Variants in FRMD4A observed in about 807,000 individuals in gnomAD.
The protein encoded by FRMD4A is FERM domain containing 4A, also known as FERM domain-containing protein 4A.
In FRMD4A, 29 loss-of-function variants were observed where a neutral mutation model predicts 129.1. That is an observed-to-expected ratio of 0.22 (90% CI 0.17 to 0.31). The LOEUF (loss-of-function observed/expected upper bound fraction) is 0.31. Among genes scored for constraint, FRMD4A ranks in the 10% least tolerant of loss-of-function variants. The pLI is 1.00. For synonymous variants in FRMD4A, 634 were observed against 571.6 expected (o/e 1.11, Z -1.56); for missense variants, 1,272 against 1,375.8 (o/e 0.92, Z 1.19).
At chr10:13,648,563 A>G (rs1364225796) in intron 24 of FRMD4A, 8 of 152,088 alleles carry the variant, frequency 5.3e-5, no homozygotes, top group Non-Finnish European at 8.8e-5. Context: ...CCCTGGTTCA[A>G]AGGTGGCCAC....
At chr10:13,849,482 AT>A (rs143466300) in intron 3 of FRMD4A, among the ~76,000 whole-genome samples, 2,723 of 141,734 alleles carry the variant, frequency 0.019, 35 homozygotes, top group African/African-American at 0.035. Flanking sequence ...AATCTCCTGC[AT>A]TTTTTTTTTT....
At chr10:13,972,384 G>A in intron 2 of FRMD4A, 4 of 919,272 alleles carry the variant, frequency 4.4e-6, no homozygotes, top group Non-Finnish European at 5.2e-6. Context: ...ATTTCTGTGG[G>A]CAATTTGTAA....
chr10:13,846,249 A>G (rs2094043859), intron 3 of FRMD4A, among the ~76,000 whole-genome samples: 1 of 152,226 alleles, frequency 6.6e-6, no homozygotes, highest in Non-Finnish European at 1.5e-5. Context: ...TGCCAAAGTA[A>G]TTGTGGTTTT....
chr10:13,982,161 T>G (rs528338939), intron 2 of FRMD4A, among the ~76,000 whole-genome samples: 57 of 152,092 alleles, frequency 3.7e-4, no homozygotes, highest in African/African-American at 1.3e-3. Flanking sequence ...ATTTCCCCTT[T>G]TACATCTTTC....
intron 2 of FRMD4A, among the ~76,000 whole-genome samples, chr10:14,254,846 A>C (rs1844556502): frequency 6.6e-6 from 1 of 152,144 alleles, no homozygotes; most frequent in African/African-American, 2.4e-5. Flanking sequence ...ATAAGGTAGT[A>C]ATGCAGGAAG....
At chr10:13,958,279 TTG>T (rs1491400756) in intron 2 of FRMD4A, among the ~76,000 whole-genome samples, 15 of 113,006 alleles carry the variant, frequency 1.3e-4, no homozygotes, top group Admixed American at 2.1e-4. Flanking sequence ...GCCATGACCA[TTG>T]TTTTTTTTTT....
rs574373521 is a variant in FRMD4A at position 13,969,125 on chromosome 10, T to C, written c.46-110213A>G. On this transcript the variant is annotated intron_variant, in intron 2 of 24. Coordinates refer to ENST00000357447, the MANE Select transcript of FRMD4A (RefSeq NM_018027.5). ...CCTGGTCTTGCTCTGGGCCGCCTCTTCTTCTCCCAGGCCCCTCGGCCTGGC... is the reference window on the plus strand; with the variant it reads ...CCTGGTCTTGCTCTGGGCCGCCTCTCCTTCTCCCAGGCCCCTCGGCCTGGC... Among the ~76,000 whole-genome samples, 3 of 152,352 alleles carry C rather than the reference T, an allele frequency of 2.0e-5. No homozygotes were observed. The East Asian group carries it at 5.8e-4, about 29-fold the overall frequency.
chr10:13,713,995 T>TATACATATATAAA (rs768387822), intron 12 of FRMD4A, among the ~76,000 whole-genome samples: 65,753 of 71,198 alleles, frequency 0.92, 30,991 homozygotes, highest in Middle Eastern at 0.97. Flanking sequence ...ACATATATAA[T>TATACATATATAAA]ATACATATAT....
intron 2 of FRMD4A, among the ~76,000 whole-genome samples, chr10:13,946,682 C>T (rs2095334223): frequency 6.6e-6 from 1 of 152,136 alleles, no homozygotes; most frequent in Admixed American, 6.5e-5. Flanking sequence ...CTTCTCCTTG[C>T]CAAGTGATTG....
intron 2 of FRMD4A, among the ~76,000 whole-genome samples, chr10:14,259,365 AATTAT>A: frequency 6.6e-6 from 1 of 152,320 alleles, no homozygotes; most frequent in African/African-American, 2.4e-5. Flanking sequence ...AATCTTTAAT[AATTAT>A]ATTACTGAAA....
rs189704653 is a variant in FRMD4A at position 13,781,871 on chromosome 10, T to C, written c.384+1051A>G. Among the ~76,000 whole-genome samples the C allele has an allele frequency of 5.3e-5, 8 of 152,226 alleles. No individual in the cohort carries two copies. In the East Asian group the frequency reaches 1.5e-3, roughly 29 times the overall value. On this transcript the variant is annotated intron_variant, in intron 6 of 24. Transcript: ENST00000357447. ...GAGTACAGAGTTTCAGTTTAGCAGA[T>C]GAAAAGAGCTCTTGGGTGAATGACG... is the stretch of plus-strand genomic sequence containing the variant.
rs377009072 is a variant in FRMD4A, at chr10:13,660,726, C to T, written c.1661-173G>A. On this transcript the variant is annotated intron_variant, in intron 19 of 24. Transcript: ENST00000357447. ...CCCCAGTTGCCAAGACAAGTCAAGA[C>T]GAGTCAAACCAAACCAGGGCAAGCC... 3.8e-4 allele frequency among the ~76,000 whole-genome samples: 58 copies of T among 152,246 alleles called. No homozygotes were observed. In the South Asian group the frequency reaches 0.011, roughly 29 times the overall value.
intron 2 of FRMD4A, among the ~76,000 whole-genome samples, chr10:14,103,558 A>G (rs1313844940): frequency 6.6e-6 from 1 of 152,200 alleles, no homozygotes; most frequent in East Asian, 1.9e-4. Context: ...CAAAAGAGAA[A>G]TAAATATCTA....
rs535465523 is a variant in FRMD4A at position 13,958,819 on chromosome 10, A to G, written c.46-99907T>C. The stretch of plus-strand genomic sequence containing the variant: ...AGGCTGGTCTCGAATTCCTGACCTC[A>G]GGTGATCCACCTGCCTCGGCCTCCC... On this transcript the variant is annotated intron_variant, in intron 2 of 24. Transcript: ENST00000357447. Among the ~76,000 whole-genome samples, 73 of 149,280 alleles carry G rather than the reference A, an allele frequency of 4.9e-4. 1 individual carries two copies. In the Middle Eastern group the frequency reaches 0.016, roughly 32 times the overall value.
intron 3 of FRMD4A, among the ~76,000 whole-genome samples, chr10:13,814,949 C>T (rs2093517773): frequency 1.3e-5 from 2 of 152,056 alleles, no homozygotes; most frequent in Admixed American, 1.3e-4. Context: ...ATTTGGGTCC[C>T]TTACCGGGTG....
At chr10:14,326,604 G>A in intron 2 of FRMD4A, 1 of 383,214 alleles carries the variant, frequency 2.6e-6, no homozygotes, top group Non-Finnish European at 4.6e-6. Flanking sequence ...TAATCTAGCT[G>A]TCCTGAAGGT....
chr10:14,044,699 T>C (rs1310034890), intron 2 of FRMD4A, among the ~76,000 whole-genome samples: 2 of 152,224 alleles, frequency 1.3e-5, no homozygotes, highest in African/African-American at 4.8e-5. Flanking sequence ...CTTCTAGACT[T>C]GGGCACTGTG....
intron 6 of FRMD4A, among the ~76,000 whole-genome samples, chr10:13,765,395 G>T (rs1238715729): frequency 6.6e-6 from 1 of 152,054 alleles, no homozygotes; most frequent in Non-Finnish European, 1.5e-5. Context: ...GGAATTACAG[G>T]CATGAGCCAC....
intron 2 of FRMD4A, among the ~76,000 whole-genome samples, chr10:14,093,329 G>A (rs912824066): frequency 1.1e-4 from 17 of 152,114 alleles, no homozygotes; most frequent in African/African-American, 3.1e-4. Context: ...TAATAAATTC[G>A]AAATTTTAGA....
Sources: gnomAD v4.1 joint callset for allele counts (sites outside exome capture counted in the v4.1 genomes callset) on GRCh38, gnomAD v4.1.1 for gene constraint, MANE v1.5 for transcripts, NCBI Gene and HGNC (gene_info 2026-07-23, HGNC 2026-07-21) for gene names.